CTNNA3: variants seen among roughly 807,000 people sequenced by gnomAD.
CTNNA3 encodes the protein catenin alpha-3.
In CTNNA3, 76 loss-of-function variants were observed where a neutral mutation model predicts 95.7. That is an observed-to-expected ratio of 0.79 (90% CI 0.66 to 0.96). The LOEUF is 0.96. Among genes scored for constraint, CTNNA3 ranks in the 40% least tolerant of loss-of-function variants. The pLI, the probability that CTNNA3 is intolerant of heterozygous loss-of-function variation, is 0.00. For missense variants in CTNNA3, 1,191 were observed against 1,089.8 expected, an observed-to-expected ratio of 1.09 and a Z score of -1.31; for synonymous variants, 431 against 374.4, an observed-to-expected ratio of 1.15 and a Z score of -1.74.
intron 12 of CTNNA3, among the ~76,000 whole-genome samples, chr10:66,356,129 T>G (rs988646552): frequency 5.3e-5 from 8 of 150,956 alleles, no homozygotes; most frequent in African/African-American, 9.7e-5. Context: ...TTTGTTTTTT[T>G]TTTTTTTTTT....
chr10:66,808,874 T>C (rs73316505), intron 7 of CTNNA3, among the ~76,000 whole-genome samples: 6,788 of 152,242 alleles, frequency 0.045, 514 homozygotes, highest in African/African-American at 0.15. Context: ...TATGAAAAAA[T>C]CCAATGATAA....
At chr10:66,652,992 C>T (rs554931772) in intron 9 of CTNNA3, among the ~76,000 whole-genome samples, 7 of 152,178 alleles carry the variant, frequency 4.6e-5, no homozygotes, top group African/African-American at 1.7e-4. Flanking sequence ...TACCTTAACA[C>T]AGTAAATTCC....
At chr10:66,807,225 A>G (rs1841689613) in intron 7 of CTNNA3, among the ~76,000 whole-genome samples, 2 of 152,054 alleles carry the variant, frequency 1.3e-5, no homozygotes, top group South Asian at 4.1e-4. Flanking sequence ...TCCTGCTTCA[A>G]AAAAAGTTCA....
chr10:66,632,175 AAATTT>A (rs1845160592), intron 9 of CTNNA3, among the ~76,000 whole-genome samples: 1 of 152,108 alleles, frequency 6.6e-6, no homozygotes, highest in Non-Finnish European at 1.5e-5. Flanking sequence ...TTTGTCTATT[AAATTT>A]ATAGAGCTAT....
intron 10 of CTNNA3, among the ~76,000 whole-genome samples, chr10:66,535,090 T>A (rs1209041587): frequency 2.0e-5 from 3 of 152,060 alleles, no homozygotes; most frequent in Non-Finnish European, 4.4e-5. Flanking sequence ...CTTATTGTAA[T>A]AATTACATAT....
intron 15 of CTNNA3, among the ~76,000 whole-genome samples, chr10:66,010,236 C>A (rs1313979532): frequency 6.6e-6 from 1 of 152,102 alleles, no homozygotes; most frequent in Admixed American, 6.5e-5. Context: ...AAATCAGTTC[C>A]AAATAGAAAC....
At chr10:67,486,402 C>G (rs965465100) in intron 5 of CTNNA3, among the ~76,000 whole-genome samples, 2 of 152,102 alleles carry the variant, frequency 1.3e-5, no homozygotes, top group African/African-American at 4.8e-5. Flanking sequence ...TCTTGATAGT[C>G]TAGATATTTA....
intron 1 of CTNNA3, among the ~76,000 whole-genome samples, chr10:67,707,865 A>G (rs554548668): frequency 6.6e-6 from 1 of 152,188 alleles, no homozygotes; most frequent in East Asian, 1.9e-4. Flanking sequence ...CTTCAAATCC[A>G]TTGCCTTATC....
chr10:66,015,142 CTT>C (rs925107432), intron 15 of CTNNA3, among the ~76,000 whole-genome samples: 1 of 149,134 alleles, frequency 6.7e-6, no homozygotes, highest in African/African-American at 2.5e-5. Flanking sequence ...ATAAAATAAA[CTT>C]TTTGATTTAA....
At chr10:67,472,870 C>T (rs139358430) in intron 5 of CTNNA3, among the ~76,000 whole-genome samples, 7 of 152,308 alleles carry the variant, frequency 4.6e-5, no homozygotes, top group South Asian at 4.1e-4. Context: ...CTGCATTTCA[C>T]CTTGCAACAT....
intron 13 of CTNNA3, among the ~76,000 whole-genome samples, chr10:66,232,932 C>G (rs10822764): frequency 6.6e-6 from 1 of 151,518 alleles, no homozygotes; most frequent in African/African-American, 2.4e-5. Context: ...CCGAGGCGGG[C>G]GGCTCACGAG....
chr10:66,334,142 T>C (rs1466099117), intron 12 of CTNNA3, among the ~76,000 whole-genome samples: 1 of 152,040 alleles, frequency 6.6e-6, no homozygotes, highest in Non-Finnish European at 1.5e-5. Context: ...TGAGATGGGT[T>C]TCCTGAATAC....
chr10:66,705,538 A>C (rs1242110256), intron 9 of CTNNA3, among the ~76,000 whole-genome samples: 6 of 152,012 alleles, frequency 3.9e-5, no homozygotes, highest in African/African-American at 4.8e-5. Context: ...GATTAAATTG[A>C]TAATGATGCC....
chr10:66,149,351 C>T (rs1589558451), intron 13 of CTNNA3, among the ~76,000 whole-genome samples: 1 of 150,624 alleles, frequency 6.6e-6, no homozygotes, highest in African/African-American at 2.4e-5. Flanking sequence ...TATAATTGCA[C>T]ATTTAGATTA....
At chr10:67,265,712 G>C (rs1436332348) in intron 5 of CTNNA3, among the ~76,000 whole-genome samples, 3 of 152,076 alleles carry the variant, frequency 2.0e-5, no homozygotes, top group Non-Finnish European at 4.4e-5. Flanking sequence ...GAAAAAAAGT[G>C]GATTAATTAA....
At chr10:66,016,356 C>T (rs1228278276) in intron 15 of CTNNA3, among the ~76,000 whole-genome samples, 1 of 151,134 alleles carries the variant, frequency 6.6e-6, no homozygotes, top group Non-Finnish European at 1.5e-5. Context: ...TGACATATGC[C>T]CTTACTTCAA....
Position 66,928,500 on chromosome 10 carries a change from T to C in CTNNA3, c.1048-152976A>G, listed in dbSNP as rs201005485. ...GAGCTCTTAAAAGCTGGGAAATAAG[T>C]GGTGCTTTATTGAACTCTGGTGACT... On this transcript the variant is annotated intron_variant, in intron 7 of 17. Transcript: ENST00000433211. The C allele has an allele frequency of 6.6e-6, 10 of 1,512,322 alleles. No individual in the cohort carries two copies. In the African/African-American group the frequency reaches 8.4e-5, roughly 13 times the overall value. The allele number at this position is 1,512,322 out of a possible 1,614,324, so 93.7% of individuals were successfully genotyped here. A position where few individuals can be genotyped will look rare whatever the true frequency, so the allele number is the denominator to read the frequency against.
rs547149152 is a variant in CTNNA3 at position 66,131,501 on chromosome 10, A to G, written c.1885-28252T>C. Among the ~76,000 whole-genome samples, 21 of 152,310 alleles carry G rather than the reference A, an allele frequency of 1.4e-4. 1 individual carries two copies. In the South Asian group the frequency reaches 4.3e-3, roughly 32 times the overall value. On this transcript the variant is annotated intron_variant, in intron 13 of 17. Coordinates refer to ENST00000433211, the MANE Select transcript of CTNNA3 (RefSeq NM_013266.4). ...AGTAATAATTTGTAGACTCAATGTTATTTCTATCAAACTACCAATGACATT... is the reference window on the plus strand; with the variant it reads ...AGTAATAATTTGTAGACTCAATGTTGTTTCTATCAAACTACCAATGACATT...
intron 11 of CTNNA3, among the ~76,000 whole-genome samples, chr10:66,509,306 T>C (rs1840574140): frequency 6.6e-6 from 1 of 152,086 alleles, no homozygotes. Context: ...TGAATAGTTT[T>C]TAAATATCTT....
Sources: allele counts gnomAD v4.1 joint callset (sites outside exome capture counted in the v4.1 genomes callset), GRCh38; gene constraint gnomAD v4.1.1; transcripts MANE v1.5; gene names NCBI Gene and HGNC (gene_info 2026-07-23, HGNC 2026-07-21).